Variants in ABHD2 observed in about 807,000 individuals in gnomAD.
ABHD2 encodes the protein monoacylglycerol lipase ABHD2.
In ABHD2, 20 loss-of-function variants were observed where a neutral mutation model predicts 48.1. The observed-to-expected ratio is 0.42, with a 90% CI of 0.29 to 0.60. ABHD2 has a LOEUF of 0.60. ABHD2 is among the 20% of genes least tolerant of loss of function. ABHD2 has a pLI of 0.24. For missense variants in ABHD2, 405 were observed against 550.9 expected (o/e 0.74, Z 2.65); for synonymous variants, 209 against 214.2 (o/e 0.98, Z 0.21).
the ABHD2 span, among the ~76,000 whole-genome samples, chr15:89,066,926 A>G: frequency 6.6e-6 from 1 of 152,206 alleles, no homozygotes; most frequent in African/African-American, 2.4e-5. Context: ...ATGTGTCTGG[A>G]TACTTGTGAG....
rs73467748 is a variant in ABHD2, at chr15:89,114,508, C to A, written c.-7+684C>A. ...TTTTGTTTTTGTTTTTTTGAGACGGCGTTTCGCTCTTGTCCCCAGGCTGGA... is the reference window on the plus strand; with the variant it reads ...TTTTGTTTTTGTTTTTTTGAGACGGAGTTTCGCTCTTGTCCCCAGGCTGGA... On this transcript the variant is annotated intron_variant, in intron 2 of 10. Transcript: ENST00000352732. The surrounding 1 kb of genome is among the most constrained non-coding windows in gnomAD (Gnocchi z 4.2). 0.042 allele frequency among the ~76,000 whole-genome samples: 6,427 copies of A among 151,990 alleles called. 208 individuals carry two copies. The highest frequency in any genetic ancestry group is 0.092 in the African/African-American group (3,809 of 41,446).
chr15:89,152,797 C>A (rs1286125143), intron 4 of ABHD2, among the ~76,000 whole-genome samples: 1 of 152,088 alleles, frequency 6.6e-6, no homozygotes, highest in South Asian at 2.1e-4. Context: ...TTCTGTCTAG[C>A]CTATACAAAT....
chr15:89,143,925 C>G (rs1330930472), intron 3 of ABHD2, among the ~76,000 whole-genome samples: 1 of 151,896 alleles, frequency 6.6e-6, no homozygotes, highest in Non-Finnish European at 1.5e-5. Flanking sequence ...TTGTATGTTC[C>G]TGATTGGGAA....
At chr15:89,161,886 C>T (rs904797101) in intron 5 of ABHD2, among the ~76,000 whole-genome samples, 8 of 152,214 alleles carry the variant, frequency 5.3e-5, no homozygotes, top group African/African-American at 1.7e-4. Context: ...CGTTCTGGGG[C>T]CTAGAAGTCC....
At position 89,112,495 on chromosome 15, in the gene ABHD2, G is replaced by T. The variant is rs535462857; in HGVS notation, c.-106-1230G>T. ...GCTCTTCCGGCCCCACCTCACCACAGCCTGGTCCTCTATGACTAATTTGTC... is the reference window on the plus strand; with the variant it reads ...GCTCTTCCGGCCCCACCTCACCACATCCTGGTCCTCTATGACTAATTTGTC... On this transcript the variant is annotated intron_variant, in intron 1 of 10. Transcript: ENST00000352732. Among the ~76,000 whole-genome samples the T allele has an allele frequency of 1.5e-4, 23 of 152,294 alleles. No individual in the cohort carries two copies. In the South Asian group the frequency reaches 4.8e-3, roughly 32 times the overall value.
chr15:89,086,036 T>G (rs1328287430), upstream of ABHD2, among the ~76,000 whole-genome samples: 1 of 152,096 alleles, frequency 6.6e-6, no homozygotes, highest in Non-Finnish European at 1.5e-5. Flanking sequence ...AAATCTTTTT[T>G]GTTTTTTTTT....
At chr15:89,056,064 G>T in the ABHD2 span, among the ~76,000 whole-genome samples, 1 of 151,972 alleles carries the variant, frequency 6.6e-6, no homozygotes, top group African/African-American at 2.4e-5. Context: ...TGTTGCACAG[G>T]CTGGTCTCAA....
intron 1 of ABHD2, among the ~76,000 whole-genome samples, chr15:89,109,340 G>A (rs1337317010): frequency 6.6e-6 from 1 of 152,142 alleles, no homozygotes; most frequent in Admixed American, 6.5e-5. Context: ...ATGGAATTCT[G>A]ACTACCATTT....
In ABHD2 at chr15:89,109,485, G is replaced by C. The variant is rs528599782; in HGVS notation, c.-106-4240G>C. ...GGGTTTGGGGTGGGGGTAGGGAGAC[G>C]CTTCCTTTCCATCTGCGACATACCC... is the stretch of plus-strand genomic sequence containing the variant. On this transcript the variant is annotated intron_variant, in intron 1 of 10. Transcript: ENST00000352732. Among the ~76,000 whole-genome samples the C allele has an allele frequency of 1.4e-3, 208 of 152,112 alleles. 2 individuals carry two copies. The highest frequency in any genetic ancestry group is 4.7e-3 in the African/African-American group (195 of 41,498).
chr15:89,147,135 G>T (rs2050505096), intron 3 of ABHD2, among the ~76,000 whole-genome samples: 1 of 152,112 alleles, frequency 6.6e-6, no homozygotes, highest in Admixed American at 6.5e-5. Flanking sequence ...TGAGAACTTG[G>T]TGTATATTAA....
intron 1 of ABHD2, among the ~76,000 whole-genome samples, chr15:89,093,054 C>T (rs1245648395): frequency 2.0e-5 from 3 of 151,978 alleles, no homozygotes; most frequent in Non-Finnish European, 2.9e-5. Context: ...GGCCCTTCTT[C>T]GCCTTGCCGT....
In ABHD2 at chr15:89,184,146, A is replaced by G. The variant is rs955532541; in HGVS notation, c.723-1278A>G. Among the ~76,000 whole-genome samples, 1 of 152,180 alleles carries G rather than the reference A, an allele frequency of 6.6e-6. No individual in the cohort carries two copies. The highest frequency in any genetic ancestry group is 2.4e-5 in the African/African-American group (1 of 41,442). ...GTGTTTGATGAGCACATTGCAGACC[A>G]TTAAATTCACAAACCATTTCATTCT... is the stretch of plus-strand genomic sequence containing the variant. On this transcript the variant is annotated intron_variant, in intron 6 of 10. Transcript: ENST00000352732. This position sits in a 1 kb window ranked among gnomAD's most constrained non-coding sequence, Gnocchi z 5.1.
intron 5 of ABHD2, among the ~76,000 whole-genome samples, chr15:89,170,077 A>ATT (rs1555432359): frequency 7.1e-5 from 4 of 56,142 alleles, no homozygotes; most frequent in East Asian, 1.3e-3. Flanking sequence ...GTCAGATCAG[A>ATT]TTCTTTTTTT....
At chr15:89,187,664 C>G (rs986024046) in intron 7 of ABHD2, among the ~76,000 whole-genome samples, 4 of 152,168 alleles carry the variant, frequency 2.6e-5, no homozygotes, top group Non-Finnish European at 1.5e-5. Context: ...AATGATTGCT[C>G]TCCTGAATAG....
intron 5 of ABHD2, among the ~76,000 whole-genome samples, chr15:89,171,733 A>G (rs2050931537): frequency 6.6e-6 from 1 of 152,128 alleles, no homozygotes; most frequent in African/African-American, 2.4e-5. Context: ...TGGCCCAGAG[A>G]TGAGAGAGTG....
At position 89,114,307 on chromosome 15, in the gene ABHD2, A is replaced by G. The variant is rs762616451; in HGVS notation, c.-7+483A>G. 6.6e-6 allele frequency among the ~76,000 whole-genome samples: 1 copy of G among 152,106 alleles called. No individual in the cohort carries two copies. Among genetic ancestry groups the G allele is most frequent in the Non-Finnish European group, 1.5e-5 (1 of 68,008 alleles). ...GAACCCTCTGCCCAGAAAACTGCTC[A>G]TGTGCACAAACTTTCACATGATTTC... On this transcript the variant is annotated intron_variant, in intron 2 of 10. Coordinates refer to ENST00000352732, the MANE Select transcript of ABHD2 (RefSeq NM_152924.5). The surrounding 1 kb of genome is among the most constrained non-coding windows in gnomAD (Gnocchi z 4.2).
Position 89,201,819 on chromosome 15 carries a change from A to G in ABHD2, c.*6396A>G. On this transcript the variant is annotated 3_prime_UTR_variant, in exon 11 of 11. Coordinates refer to ENST00000352732, the MANE Select transcript of ABHD2 (RefSeq NM_152924.5). ...AGACGCCATTGGAGAGACAGCGCAGAGCAGGGGGCGGCTTGCTCGCTGGGG... is the reference window on the plus strand; with the variant it reads ...AGACGCCATTGGAGAGACAGCGCAGGGCAGGGGGCGGCTTGCTCGCTGGGG... 7.8e-7 allele frequency: 1 copy of G among 1,286,468 alleles called. No homozygotes were observed. Among genetic ancestry groups the G allele is most frequent in the Non-Finnish European group, 1.1e-6 (1 of 894,448 alleles). 79.7% of individuals were successfully genotyped at this position (1,286,468 alleles called of 1,614,324 possible).
chr15:89,144,932 ACT>A (rs1323829550), intron 3 of ABHD2, among the ~76,000 whole-genome samples: 1 of 152,132 alleles, frequency 6.6e-6, no homozygotes, highest in Non-Finnish European at 1.5e-5. Flanking sequence ...AGTCTTAGAA[ACT>A]CTACTTTCCT....
At chr15:89,081,896 G>T in the ABHD2 span, among the ~76,000 whole-genome samples, 1 of 152,124 alleles carries the variant, frequency 6.6e-6, no homozygotes, top group Admixed American at 6.5e-5. Flanking sequence ...CTTATGAAAT[G>T]ATTTTAATGT....
Sources: gnomAD v4.1 joint callset for allele counts (sites outside exome capture counted in the v4.1 genomes callset) on GRCh38, gnomAD v4.1.1 for gene constraint, Gnocchi (gnomAD v3.1) non-coding constraint, MANE v1.5 for transcripts, NCBI Gene and HGNC (gene_info 2026-07-23, HGNC 2026-07-21) for gene names.